The following KANSL1 variants were observed in gnomAD, a reference collection of about 807,000 sequenced individuals.
KANSL1 encodes MLL1/MLL complex subunit KANSL1.
A neutral mutation model predicts 103.6 loss-of-function variants in KANSL1; 22 were observed. The ratio of observed to expected loss-of-function variants is 0.21; its 90% CI spans 0.15 to 0.30. The LOEUF is 0.30. KANSL1 is among the 10% of genes least tolerant of loss of function. The pLI is 1.00. For synonymous variants in KANSL1, 600 were observed against 527.6 expected, an observed-to-expected ratio of 1.14 and a Z score of -1.88; for missense variants, 1,337 against 1,399.8, an observed-to-expected ratio of 0.96 and a Z score of 0.72.
chr17:46,038,922 G>C (rs1568374189), intron 9 of KANSL1, 105 bp downstream of exon 9: 13 of 1,409,282 alleles, frequency 9.2e-6, no homozygotes, highest in African/African-American at 1.4e-5. Flanking sequence ...TGCTTTCCTA[G>C]AAAGTGAAGG....
At chr17:46,150,915 T>C (rs1406795288) in intron 2 of KANSL1, among the ~76,000 whole-genome samples, 1 of 121,304 alleles carries the variant, frequency 8.2e-6, no homozygotes, top group African/African-American at 3.5e-5. Context: ...AACTGCAAGA[T>C]CCCTATTCTG....
At chr17:46,088,946 A>C (rs192627530) in intron 3 of KANSL1, among the ~76,000 whole-genome samples, 96 of 152,318 alleles carry the variant, frequency 6.3e-4, no homozygotes, top group African/African-American at 1.5e-3. Flanking sequence ...AAATTTCAAC[A>C]AACATGTTTC....
intron 2 of KANSL1, chr17:46,148,215 A>G (rs1008341486): frequency 1.3e-5 from 2 of 152,234 alleles, no homozygotes; most frequent in East Asian, 1.9e-4. Context: ...ACATAGTTAC[A>G]TGATTCTTCT....
At chr17:46,061,233 CTT>C (rs1011347408) in intron 6 of KANSL1, among the ~76,000 whole-genome samples, 2 of 152,056 alleles carry the variant, frequency 1.3e-5, no homozygotes, top group Non-Finnish European at 2.9e-5. Context: ...AAACTACATT[CTT>C]TTCTTTTTTA....
intron 6 of KANSL1, among the ~76,000 whole-genome samples, chr17:46,062,847 C>T (rs1032797092): frequency 2.6e-5 from 4 of 151,614 alleles, no homozygotes; most frequent in East Asian, 2.0e-4. Context: ...GTCAGGAGTT[C>T]GAGACCAGTC....
In KANSL1 at chr17:46,172,110, C is replaced by T. The variant is rs745864684; in HGVS notation, c.34G>A (p.Ala12Thr). 9 of 1,610,266 alleles carry T rather than the reference C, an allele frequency of 5.6e-6. No homozygotes were observed. The highest frequency in any genetic ancestry group is 4.2e-6 in the Non-Finnish European group (5 of 1,180,034). The change falls in exon 2 of 15, where the codon GCA (alanine) becomes ACA (threonine). Residue 12 changes from alanine (A) to threonine (T), a missense_variant. Physicochemically the swap from Ala to Thr is moderately conservative, Grantham distance 58 (BLOSUM62 0). Around this residue, in one of 2 missense-constraint regions of KANSL1, gnomAD observed 557 missense variants for 476.4 expected, o/e 1.17. Coordinates refer to ENST00000432791, the MANE Select transcript of KANSL1 (RefSeq NM_015443.4). ...AAMAPALTDA[A>T]AEAHHIRFKL... is the part of the protein sequence containing the mutation. ...AACCGGATATGGTGTGCTTCAGCTG[C>T]TGCGTCAGTGAGAGCGGGCGCCATC...
Position 46,190,751 on chromosome 17 carries a change from A to T in KANSL1, c.-90+2072T>A, listed in dbSNP as rs114210505. On this transcript the variant is annotated intron_variant, in intron 1 of 14. Transcript: ENST00000432791. ...TATGAGGTACTAACAAATACACCAAATATGCTAAAGGTCGAAGGAACGGCA... is the reference window on the plus strand; with the variant it reads ...TATGAGGTACTAACAAATACACCAATTATGCTAAAGGTCGAAGGAACGGCA... Among the ~76,000 whole-genome samples, 911 of 152,368 alleles carry T rather than the reference A, an allele frequency of 6.0e-3. 5 individuals are homozygous for T. Among genetic ancestry groups the T allele is most frequent in the African/African-American group, 0.021 (881 of 41,580 alleles).
At chr17:46,049,269 A>ATTTTT (rs2077626022) in intron 7 of KANSL1, 1 of 92,070 alleles carries the variant, frequency 1.1e-5, no homozygotes, top group African/African-American at 4.3e-5. Flanking sequence ...TTTTTTTGAG[A>ATTTTT]CAGTCTTGCT....
intron 1 of KANSL1, among the ~76,000 whole-genome samples, chr17:46,192,055 C>G (rs111846109): frequency 6.6e-6 from 1 of 152,104 alleles, no homozygotes; most frequent in Admixed American, 6.5e-5. Flanking sequence ...GTGGCGCCAT[C>G]ATGTCACCCC....
At chr17:46,145,343 T>C (rs2044643533) in intron 2 of KANSL1, among the ~76,000 whole-genome samples, 1 of 152,258 alleles carries the variant, frequency 6.6e-6, no homozygotes, top group Non-Finnish European at 1.5e-5. Context: ...CATAAGCTTC[T>C]TTGGAAGACA....
At chr17:46,190,313 C>T (rs1364885697) in intron 1 of KANSL1, among the ~76,000 whole-genome samples, 2 of 152,246 alleles carry the variant, frequency 1.3e-5, no homozygotes, top group African/African-American at 2.4e-5. Context: ...CAACAGGAAA[C>T]ACTCACGTAA....
At chr17:46,215,370 A>C (rs934541327) in intron 1 of KANSL1, among the ~76,000 whole-genome samples, 8 of 152,284 alleles carry the variant, frequency 5.3e-5, no homozygotes, top group Middle Eastern at 6.8e-3. Flanking sequence ...AAACATTTCA[A>C]CTCTACCTTC....
intron 2 of KANSL1, among the ~76,000 whole-genome samples, chr17:46,111,667 C>T (rs953309421): frequency 3.3e-5 from 5 of 152,144 alleles, no homozygotes; most frequent in African/African-American, 4.8e-5. Flanking sequence ...TACATGGCAA[C>T]GTAATATGCA....
At chr17:46,105,906 GACACACACACACACACACAC>G (rs773000790) in intron 2 of KANSL1, among the ~76,000 whole-genome samples, 1 of 95,182 alleles carries the variant, frequency 1.1e-5, no homozygotes, top group Non-Finnish European at 2.3e-5. Context: ...GCAAGGCCTT[GACACACACACACACACACAC>G]ACACACACAC....
chr17:46,133,033 A>T lies in KANSL1; in HGVS notation c.1289+37822T>A, dbSNP rs370942617. Among the ~76,000 whole-genome samples, 12 of 152,360 alleles carry T rather than the reference A, an allele frequency of 7.9e-5. No individual in the cohort carries two copies. The East Asian group carries it at 2.3e-3, about 29-fold the overall frequency. ...CATGGAGACTGTTTGTTTAGGGTCCATTATATGCCAAGTACCAGGGTGACC... is the reference window on the plus strand; with the variant it reads ...CATGGAGACTGTTTGTTTAGGGTCCTTTATATGCCAAGTACCAGGGTGACC... On this transcript the variant is annotated intron_variant, in intron 2 of 14. Coordinates refer to ENST00000432791, the MANE Select transcript of KANSL1 (RefSeq NM_015443.4).
intron 2 of KANSL1, among the ~76,000 whole-genome samples, chr17:46,129,112 G>A (rs1321649861): frequency 6.6e-6 from 1 of 152,110 alleles, no homozygotes. Flanking sequence ...ATTCATCTCT[G>A]CATCCCCTCA....
intron 2 of KANSL1, among the ~76,000 whole-genome samples, chr17:46,118,625 G>C (rs1019601305): frequency 6.6e-6 from 1 of 152,190 alleles, no homozygotes; most frequent in Non-Finnish European, 1.5e-5. Flanking sequence ...CACTTTGATG[G>C]TCTAGAGACC....
chr17:46,053,310 T>C (rs1037556918), intron 6 of KANSL1, among the ~76,000 whole-genome samples: 1 of 151,800 alleles, frequency 6.6e-6, no homozygotes, highest in Non-Finnish European at 1.5e-5. Flanking sequence ...TTTAAAAAAA[T>C]AAAATAAAGG....
chr17:46,120,981 G>A (rs986420986), intron 2 of KANSL1, among the ~76,000 whole-genome samples: 1 of 152,118 alleles, frequency 6.6e-6, no homozygotes, highest in African/African-American at 2.4e-5. Context: ...TCAGTAAAGA[G>A]CAATACCTTC....
Sources: gnomAD v4.1 joint callset for allele counts (sites outside exome capture counted in the v4.1 genomes callset) on GRCh38, gnomAD v4.1.1 for gene constraint, gnomAD v4.1.1 regional missense constraint, MANE v1.5 for transcripts, NCBI Gene and HGNC (gene_info 2026-07-23, HGNC 2026-07-21) for gene names.